The following UNC13C variants were observed in gnomAD, a reference collection of about 807,000 sequenced individuals.
The protein encoded by UNC13C is unc-13 homolog C.
In UNC13C, 174 loss-of-function variants were observed where a neutral mutation model predicts 245.4. The observed-to-expected ratio is 0.71, with a 90% CI of 0.63 to 0.80. UNC13C has a LOEUF of 0.80. Ranked by LOEUF, UNC13C falls within the 30% of genes least tolerant of loss-of-function variation. The pLI, the probability that UNC13C is intolerant of heterozygous loss-of-function variation, is 0.00. For missense variants in UNC13C, 2,829 were observed against 2,602.9 expected (o/e 1.09, Z -1.89); for synonymous variants, 992 against 895.1 (o/e 1.11, Z -1.93).
chr15:54,458,680 C>CTTTTT (rs79291504), intron 19 of UNC13C, among the ~76,000 whole-genome samples: 17,716 of 65,794 alleles, frequency 0.27, 3,680 homozygotes, highest in East Asian at 0.43. Flanking sequence ...CCTTTAAGGT[C>CTTTTT]TTTTTTTTTT....
the UNC13C span, among the ~76,000 whole-genome samples, chr15:53,945,829 G>A: frequency 6.6e-6 from 1 of 151,932 alleles, no homozygotes; most frequent in South Asian, 2.1e-4. Flanking sequence ...CTATAATACT[G>A]CTTTGGGCAG....
the UNC13C span, among the ~76,000 whole-genome samples, chr15:53,873,526 C>T: frequency 6.6e-6 from 1 of 152,106 alleles, no homozygotes; most frequent in Admixed American, 6.6e-5. Flanking sequence ...CCTTTCCCTC[C>T]CCTCTTTTGG....
intron 19 of UNC13C, among the ~76,000 whole-genome samples, chr15:54,474,395 T>C (rs2141048606): frequency 6.6e-6 from 1 of 152,186 alleles, no homozygotes; most frequent in Non-Finnish European, 1.5e-5. Context: ...TTTCTCATTG[T>C]GGTTTTGATT....
chr15:53,994,217 C>T (rs1441824954), intron 1 of UNC13C, among the ~76,000 whole-genome samples: 3 of 123,502 alleles, frequency 2.4e-5, no homozygotes, highest in Non-Finnish European at 3.4e-5. Context: ...AAGAACTGGA[C>T]TTGATATTTA....
intron 14 of UNC13C, among the ~76,000 whole-genome samples, chr15:54,326,343 A>G (rs2038297786): frequency 6.6e-6 from 1 of 152,106 alleles, no homozygotes; most frequent in Admixed American, 6.6e-5. Context: ...GGACATGTAA[A>G]AGAAATTCCT....
chr15:54,212,204 G>T (rs1382396891), intron 4 of UNC13C, among the ~76,000 whole-genome samples: 1 of 152,046 alleles, frequency 6.6e-6, no homozygotes, highest in East Asian at 1.9e-4. Context: ...TCACAAAATG[G>T]TAAGTAGCTA....
chr15:54,404,376 A>C (rs2040251134), intron 18 of UNC13C, among the ~76,000 whole-genome samples: 1 of 152,146 alleles, frequency 6.6e-6, no homozygotes, highest in Non-Finnish European at 1.5e-5. Flanking sequence ...CAAGATAATA[A>C]ATTGGATTAT....
chr15:54,247,000 A>G (rs570916011), intron 7 of UNC13C, among the ~76,000 whole-genome samples: 1 of 152,314 alleles, frequency 6.6e-6, no homozygotes, highest in African/African-American at 2.4e-5. Context: ...TCTATTAATT[A>G]GGTTTTGCTT....
intron 2 of UNC13C, among the ~76,000 whole-genome samples, chr15:54,020,609 A>C (rs1200581686): frequency 1.3e-5 from 2 of 152,076 alleles, no homozygotes; most frequent in African/African-American, 4.8e-5. Flanking sequence ...AAAACAAAAG[A>C]TGTTTTGTCA....
chr15:53,839,242 T>C, the UNC13C span, among the ~76,000 whole-genome samples: 1 of 152,056 alleles, frequency 6.6e-6, no homozygotes, highest in Non-Finnish European at 1.5e-5. Flanking sequence ...CTCATATCTG[T>C]AGGTTTCTAA....
Position 54,304,548 on chromosome 15 carries a change from T to G in UNC13C, c.4268+4175T>G, listed in dbSNP as rs541579696. On this transcript the variant is annotated intron_variant, in intron 13 of 32. Transcript: ENST00000260323. ...CCGTTTCCTCCCAGCCCTTGCAGATTCCAAATGACCTAAACCCACAGGCCT... is the reference window on the plus strand; with the variant it reads ...CCGTTTCCTCCCAGCCCTTGCAGATGCCAAATGACCTAAACCCACAGGCCT... 5.9e-5 allele frequency among the ~76,000 whole-genome samples: 9 copies of G among 151,572 alleles called. No individual in the cohort carries two copies. The South Asian group carries it at 1.9e-3, about 32-fold the overall frequency.
At chr15:54,025,479 T>C (rs1896071438) in intron 2 of UNC13C, among the ~76,000 whole-genome samples, 1 of 152,212 alleles carries the variant, frequency 6.6e-6, no homozygotes, top group Non-Finnish European at 1.5e-5. Flanking sequence ...CTTCATTTTA[T>C]GGATGTGAAA....
At chr15:54,012,186 CAA>C (rs1043038006) in intron 1 of UNC13C, among the ~76,000 whole-genome samples, 3 of 151,890 alleles carry the variant, frequency 2.0e-5, no homozygotes, top group African/African-American at 7.3e-5. Context: ...TTGAATGAAT[CAA>C]AAGAGGTTAT....
At chr15:53,903,356 A>T in the UNC13C span, among the ~76,000 whole-genome samples, 2 of 152,218 alleles carry the variant, frequency 1.3e-5, no homozygotes, top group East Asian at 3.8e-4. Context: ...TCAGAAGCAC[A>T]TCCATCAAAT....
intron 4 of UNC13C, among the ~76,000 whole-genome samples, chr15:54,160,686 A>G (rs558308252): frequency 6.6e-6 from 1 of 152,294 alleles, no homozygotes; most frequent in South Asian, 2.1e-4. Flanking sequence ...TATATGCATA[A>G]GTAAATAATT....
In UNC13C at chr15:54,628,431, T is replaced by TATC. The variant is rs1017149412; in HGVS notation, c.*1321_*1323dup. 16 of 151,894 alleles carry TATC rather than the reference T, an allele frequency of 1.1e-4. No individual in the cohort carries two copies. The highest frequency in any genetic ancestry group is 3.1e-4 in the African/African-American group (13 of 41,548). The allele number at this position is 151,894 out of a possible 1,614,324, so 9.4% of individuals were successfully genotyped here. On this transcript the variant is annotated 3_prime_UTR_variant, in exon 33 of 33. Transcript: ENST00000260323. The stretch of plus-strand genomic sequence containing the variant: ...ATACGTTAAGTACAGAAGTGCTTAG[T>TATC]ATCATGACTGTCAGAACCATTCTGC...
At chr15:54,442,152 GC>G (rs763351014) in intron 19 of UNC13C, among the ~76,000 whole-genome samples, 88 of 150,990 alleles carry the variant, frequency 5.8e-4, no homozygotes, top group Non-Finnish European at 1.1e-3. Context: ...CAATTTTGAT[GC>G]CTTTTTTTCT....
the UNC13C span, among the ~76,000 whole-genome samples, chr15:53,885,960 A>G: frequency 6.6e-6 from 1 of 152,188 alleles, no homozygotes; most frequent in Non-Finnish European, 1.5e-5. Context: ...GAATTGATCA[A>G]TTATGTGAAT....
intron 17 of UNC13C, among the ~76,000 whole-genome samples, chr15:54,357,104 G>A (rs1158794407): frequency 1.3e-5 from 2 of 151,988 alleles, no homozygotes; most frequent in African/African-American, 2.4e-5. Context: ...TTTATGTTAT[G>A]TTGTAAACTA....
Sources: allele counts gnomAD v4.1 joint callset (sites outside exome capture counted in the v4.1 genomes callset), GRCh38; gene constraint gnomAD v4.1.1; transcripts MANE v1.5; gene names NCBI Gene and HGNC (gene_info 2026-07-23, HGNC 2026-07-21).